The following HTR4 variants were observed in gnomAD, a reference collection of about 807,000 sequenced individuals.
HTR4 encodes the protein 5-hydroxytryptamine receptor 4, also known as 5-hydroxytryptamine (serotonin) receptor 4, G protein-coupled.
In HTR4, 16 loss-of-function variants were observed where a neutral mutation model predicts 36.8. The ratio of observed to expected loss-of-function variants is 0.43; its 90% CI spans 0.29 to 0.66. The LOEUF (loss-of-function observed/expected upper bound fraction) is 0.66, where lower values mean the gene tolerates loss of function less well. HTR4 is among the 30% of genes least tolerant of loss of function. HTR4 has a pLI of 0.13. For synonymous variants in HTR4, 189 were observed against 185.1 expected (o/e 1.02, Z -0.17); for missense variants, 438 against 490.9 (o/e 0.89, Z 1.02).
intron 2 of HTR4, among the ~76,000 whole-genome samples, chr5:148,612,819 T>C (rs1235512028): frequency 1.4e-5 from 2 of 140,200 alleles, no homozygotes; most frequent in Non-Finnish European, 3.1e-5. Flanking sequence ...AAGAATCAAA[T>C]AGACGCAATA....
intron 2 of HTR4, among the ~76,000 whole-genome samples, chr5:148,573,491 T>TG (rs1381014290): frequency 1.3e-5 from 2 of 151,908 alleles, no homozygotes; most frequent in Non-Finnish European, 2.9e-5. Context: ...AAATAGAACG[T>TG]GGGGGGTTAA....
chr5:148,524,921 G>T lies in HTR4; in HGVS notation c.354-1575C>A, dbSNP rs140503647. On this transcript the variant is annotated intron_variant, in intron 4 of 6. Transcript: ENST00000377888. Reference sequence around the variant, plus strand: ...GGAGAGCCCCGTGTTGGAGCACGAGGAGCAGGTGCCTCAGGAGCAGGGAGA... The same window carrying T: ...GGAGAGCCCCGTGTTGGAGCACGAGTAGCAGGTGCCTCAGGAGCAGGGAGA... 3.3e-5 allele frequency among the ~76,000 whole-genome samples: 5 copies of T among 152,270 alleles called. No homozygotes were observed. The East Asian group carries it at 9.6e-4, about 29-fold the overall frequency.
intron 2 of HTR4, among the ~76,000 whole-genome samples, chr5:148,590,501 T>A (rs1172893147): frequency 1.3e-5 from 2 of 151,702 alleles, no homozygotes; most frequent in East Asian, 3.9e-4. Context: ...GGTATTATTT[T>A]TATTTTATTT....
intron 2 of HTR4, among the ~76,000 whole-genome samples, chr5:148,601,645 A>G (rs757742927): frequency 1.3e-5 from 2 of 152,056 alleles, no homozygotes; most frequent in Non-Finnish European, 2.9e-5. Flanking sequence ...TGCTAAAAAC[A>G]CAAAAATTAG....
At chr5:148,490,886 C>T (rs1561575212) in intron 6 of HTR4, 1 of 462,608 alleles carries the variant, frequency 2.2e-6, no homozygotes, top group South Asian at 1.6e-5. Flanking sequence ...CCTAAAACCT[C>T]TTTGCTCTAA....
downstream of HTR4, chr5:148,476,490 T>G (rs1561566620): frequency 2.8e-6 from 3 of 1,055,466 alleles, no homozygotes; most frequent in Non-Finnish European, 3.6e-6. Context: ...ACAGAAAGAG[T>G]TTTCTCTTAT....
At chr5:148,502,215 A>C (rs2113755684) in intron 6 of HTR4, among the ~76,000 whole-genome samples, 1 of 152,226 alleles carries the variant, frequency 6.6e-6, no homozygotes, top group Admixed American at 6.5e-5. Context: ...TGGGTCCCTG[A>C]CCCCCAAGTA....
intron 2 of HTR4, among the ~76,000 whole-genome samples, chr5:148,567,844 G>A (rs1328211383): frequency 1.3e-5 from 2 of 152,002 alleles, no homozygotes; most frequent in African/African-American, 4.8e-5. Flanking sequence ...TTTCCTGATG[G>A]TATGTATCTA....
At chr5:148,470,967 G>C (rs931653655) in intron 5 of HTR4, among the ~76,000 whole-genome samples, 1 of 152,158 alleles carries the variant, frequency 6.6e-6, no homozygotes, top group Non-Finnish European at 1.5e-5. Context: ...GGGATTACAG[G>C]CATGAGCCAC....
chr5:148,569,227 A>G (rs1423757829), intron 2 of HTR4, among the ~76,000 whole-genome samples: 1 of 152,062 alleles, frequency 6.6e-6, no homozygotes, highest in Non-Finnish European at 1.5e-5. Context: ...ACCTTTTGTT[A>G]TATCTAAAAT....
At chr5:148,651,907 A>G (rs191175010) in intron 1 of HTR4, among the ~76,000 whole-genome samples, 205 of 152,280 alleles carry the variant, frequency 1.3e-3, no homozygotes, top group African/African-American at 4.8e-3. Flanking sequence ...GAATTCTAGC[A>G]TTGAAAGAAC....
chr5:148,529,525 G>C lies in HTR4; in HGVS notation c.354-6179C>G, dbSNP rs115719934. Among the ~76,000 whole-genome samples, 515 of 152,326 alleles carry C rather than the reference G, an allele frequency of 3.4e-3. 1 individual carries two copies. The highest frequency in any genetic ancestry group is 9.0e-3 in the African/African-American group (373 of 41,578). ...GGCTTTCGCCTTCTGCCATGATTGT[G>C]AGGCTTCCCCATCCACATTGAACTG... On this transcript the variant is annotated intron_variant, in intron 4 of 6. Transcript: ENST00000377888.
chr5:148,536,130 C>A (rs1758813549), intron 4 of HTR4, among the ~76,000 whole-genome samples: 1 of 152,138 alleles, frequency 6.6e-6, no homozygotes, highest in Non-Finnish European at 1.5e-5. Flanking sequence ...CATATCCAGC[C>A]AAACTAAGCT....
intron 2 of HTR4, among the ~76,000 whole-genome samples, chr5:148,627,309 A>T (rs77055509): frequency 0.017 from 2,586 of 152,090 alleles, 119 homozygotes; most frequent in East Asian, 0.12. Context: ...ATTTTCTATT[A>T]CCAACATTTT....
intron 2 of HTR4, among the ~76,000 whole-genome samples, chr5:148,585,974 T>G (rs1008648358): frequency 6.6e-6 from 1 of 152,196 alleles, no homozygotes; most frequent in African/African-American, 2.4e-5. Context: ...TGTATGGCAT[T>G]CATTCACCAT....
chr5:148,511,729 A>G (rs1757509515), intron 5 of HTR4, among the ~76,000 whole-genome samples: 2 of 151,938 alleles, frequency 1.3e-5, no homozygotes, highest in Admixed American at 1.3e-4. Context: ...ATACAGCCAA[A>G]CAGTTCCCAA....
chr5:148,623,628 A>G (rs1045627157), intron 2 of HTR4, among the ~76,000 whole-genome samples: 5 of 152,118 alleles, frequency 3.3e-5, no homozygotes, highest in Non-Finnish European at 7.4e-5. Flanking sequence ...TTATCTGGAC[A>G]TACTTAAAAA....
intron 4 of HTR4, among the ~76,000 whole-genome samples, chr5:148,531,946 A>G (rs1251974597): frequency 1.3e-5 from 2 of 152,136 alleles, no homozygotes; most frequent in Non-Finnish European, 2.9e-5. Context: ...AGGAAATGCT[A>G]CTGGCATCCA....
chr5:148,616,740 G>T (rs938066623), intron 2 of HTR4, among the ~76,000 whole-genome samples: 1 of 151,528 alleles, frequency 6.6e-6, no homozygotes, highest in African/African-American at 2.4e-5. Flanking sequence ...TATCATTCTA[G>T]ATTTTTTTCT....
Sources: allele counts gnomAD v4.1 joint callset (sites outside exome capture counted in the v4.1 genomes callset), GRCh38; gene constraint gnomAD v4.1.1; transcripts MANE v1.5; gene names NCBI Gene and HGNC (gene_info 2026-07-23, HGNC 2026-07-21).